RPS6KC1: variants seen among roughly 807,000 people sequenced by gnomAD.
RPS6KC1 encodes the protein inactive ribosomal protein S6 kinase delta-1.
A neutral mutation model predicts 103.8 loss-of-function variants in RPS6KC1; 54 were observed. That is an observed-to-expected ratio of 0.52 (90% CI 0.42 to 0.65). RPS6KC1 has a LOEUF of 0.65. Ranked by LOEUF, RPS6KC1 falls within the 30% of genes least tolerant of loss-of-function variation. The pLI, the probability that RPS6KC1 is intolerant of heterozygous loss-of-function variation, is 0.00. For synonymous variants in RPS6KC1, 439 were observed against 438.7 expected, an observed-to-expected ratio of 1.00 and a Z score of -0.01; for missense variants, 1,151 against 1,253.8, an observed-to-expected ratio of 0.92 and a Z score of 1.24.
the RPS6KC1 span, among the ~76,000 whole-genome samples, chr1:213,825,927 T>A: frequency 6.6e-6 from 1 of 152,198 alleles, no homozygotes; most frequent in Admixed American, 6.5e-5. Flanking sequence ...GCCCATGAAC[T>A]GAAAACAATC....
chr1:213,561,136 A>G, the RPS6KC1 span, among the ~76,000 whole-genome samples: 524 of 152,310 alleles, frequency 3.4e-3, 5 homozygotes, highest in African/African-American at 0.012. Context: ...TCTCAAATAT[A>G]CGTCTACTCG....
At chr1:213,072,085 T>TA (rs1296998744) in intron 2 of RPS6KC1, among the ~76,000 whole-genome samples, 1 of 152,120 alleles carries the variant, frequency 6.6e-6, no homozygotes. Context: ...TCCGCCTCCC[T>TA]AATGTGTTTA....
the RPS6KC1 span, among the ~76,000 whole-genome samples, chr1:213,441,832 G>A: frequency 1.3e-5 from 2 of 152,230 alleles, no homozygotes; most frequent in Non-Finnish European, 2.9e-5. Context: ...TTTTGAAATT[G>A]CTGAGTAATT....
downstream of RPS6KC1, among the ~76,000 whole-genome samples, chr1:213,275,375 G>A (rs1335885875): frequency 1.3e-5 from 2 of 152,074 alleles, no homozygotes; most frequent in Non-Finnish European, 2.9e-5. Flanking sequence ...CTTTATAGAA[G>A]GGTTTTTCCA....
intron 3 of RPS6KC1, among the ~76,000 whole-genome samples, chr1:213,091,841 A>T (rs1250645534): frequency 1.3e-5 from 2 of 152,200 alleles, no homozygotes; most frequent in Non-Finnish European, 2.9e-5. Context: ...GAATAGTTAT[A>T]GTTTGTTTCA....
chr1:213,306,227 C>G, the RPS6KC1 span, among the ~76,000 whole-genome samples: 577 of 152,254 alleles, frequency 3.8e-3, 4 homozygotes, highest in African/African-American at 0.013. Context: ...TTTGTTGAAA[C>G]TAGGTGCATG....
At chr1:213,260,737 AT>A (rs763163962) in intron 12 of RPS6KC1, among the ~76,000 whole-genome samples, 41 of 142,304 alleles carry the variant, frequency 2.9e-4, no homozygotes, top group Non-Finnish European at 5.2e-4. Context: ...GCACAAGATA[AT>A]GTAAGGGCTA....
chr1:213,535,949 A>G, the RPS6KC1 span, among the ~76,000 whole-genome samples: 1 of 152,176 alleles, frequency 6.6e-6, no homozygotes, highest in African/African-American at 2.4e-5. Context: ...GCCTGGGTTT[A>G]CTAAGCGAGA....
chr1:213,830,538 G>C, the RPS6KC1 span, among the ~76,000 whole-genome samples: 1 of 152,036 alleles, frequency 6.6e-6, no homozygotes, highest in Non-Finnish European at 1.5e-5. Flanking sequence ...AGACTGCTTC[G>C]AGAATATTGT....
rs763512133 is a variant in RPS6KC1 at position 213,241,539 on chromosome 1, G to A, written c.2063G>A (p.Arg688Lys). 6.2e-7 allele frequency: 1 copy of A among 1,613,968 alleles called. No homozygotes were observed. The highest frequency in any genetic ancestry group is 1.1e-5 in the South Asian group (1 of 91,084). The stretch of plus-strand genomic sequence containing the variant: ...GATGTCAGTGGTACTGATGAAGGAA[G>A]ACCTGATCTTCTTGTAAATTTACCT... ...FDDVSGTDEG[R>K]PDLLVNLPGE... Residue 688 changes from arginine to lysine, a missense_variant, in exon 11 of 15, where the codon AGA (arginine) becomes AAA (lysine). Physicochemically the swap from Arg to Lys is conservative, Grantham distance 26. Transcript: ENST00000366960.
the RPS6KC1 span, among the ~76,000 whole-genome samples, chr1:213,524,238 G>A: frequency 9.2e-5 from 14 of 152,218 alleles, no homozygotes; most frequent in East Asian, 2.7e-3. Flanking sequence ...CATGCTGCCA[G>A]ACCTGGGAAA....
the RPS6KC1 span, among the ~76,000 whole-genome samples, chr1:213,356,515 GC>G: frequency 6.6e-6 from 1 of 152,156 alleles, no homozygotes. Flanking sequence ...AATTAGCGGG[GC>G]GTGATAGCAG....
intron 3 of RPS6KC1, among the ~76,000 whole-genome samples, chr1:213,083,686 G>T (rs1039033025): frequency 6.6e-6 from 1 of 152,028 alleles, no homozygotes; most frequent in Non-Finnish European, 1.5e-5. Context: ...ATGTGGGAGG[G>T]GTGTGAATCT....
chr1:213,720,168 G>C, the RPS6KC1 span, among the ~76,000 whole-genome samples: 2 of 152,210 alleles, frequency 1.3e-5, no homozygotes, highest in Non-Finnish European at 2.9e-5. Flanking sequence ...GAAATCACCA[G>C]CTTTCTTCCA....
At chr1:213,304,062 C>A in the RPS6KC1 span, among the ~76,000 whole-genome samples, 34 of 150,844 alleles carry the variant, frequency 2.3e-4, no homozygotes, top group African/African-American at 4.9e-4. Context: ...AAAAATTAGC[C>A]GGGCGTAGTG....
chr1:213,112,237 A>T (rs2083095749), intron 4 of RPS6KC1, among the ~76,000 whole-genome samples: 1 of 152,084 alleles, frequency 6.6e-6, no homozygotes, highest in African/African-American at 2.4e-5. Context: ...GGTATTAAGG[A>T]GCAGAAGAGC....
chr1:213,539,054 A>T, the RPS6KC1 span, among the ~76,000 whole-genome samples: 1 of 152,200 alleles, frequency 6.6e-6, no homozygotes, highest in African/African-American at 2.4e-5. Flanking sequence ...TGGGTAACTG[A>T]AGATGCTCGA....
At chr1:213,859,027 T>A in the RPS6KC1 span, among the ~76,000 whole-genome samples, 1 of 152,166 alleles carries the variant, frequency 6.6e-6, no homozygotes, top group East Asian at 1.9e-4. Context: ...GAGCTGGACT[T>A]TTTTTTCCTG....
At chr1:213,772,343 G>C in the RPS6KC1 span, among the ~76,000 whole-genome samples, 1 of 152,148 alleles carries the variant, frequency 6.6e-6, no homozygotes, top group African/African-American at 2.4e-5. Context: ...CTTTCTTTGC[G>C]CAGGACACAA....
Sources: gnomAD v4.1 joint callset for allele counts (sites outside exome capture counted in the v4.1 genomes callset) on GRCh38, gnomAD v4.1.1 for gene constraint, MANE v1.5 for transcripts, NCBI Gene and HGNC (gene_info 2026-07-23, HGNC 2026-07-21) for gene names.